The following SAFB variants were observed in gnomAD, a reference collection of about 807,000 sequenced individuals.
The protein encoded by SAFB is scaffold attachment factor B1.
SAFB carries 15 observed loss-of-function variants against 101.6 expected under a neutral mutation model. That is an observed-to-expected ratio of 0.15 (90% CI 0.10 to 0.23). The LOEUF is 0.23. Among genes scored for constraint, SAFB ranks in the 10% least tolerant of loss-of-function variants. The probability of loss-of-function intolerance (pLI) is 1.00; values close to 1 mark genes in which losing one functional copy is unlikely to be tolerated. For missense variants in SAFB, 930 were observed against 1,104.1 expected, an observed-to-expected ratio of 0.84 and a Z score of 2.23; for synonymous variants, 449 against 407.5, an observed-to-expected ratio of 1.10 and a Z score of -1.23.
At chr19:5,665,234 T>G (rs963054696) in intron 17 of SAFB, 1 of 152,198 alleles carries the variant, frequency 6.6e-6, no homozygotes, top group Non-Finnish European at 1.5e-5. Context: ...GTGGGGTTCC[T>G]TTTTCCCTGC....
chr19:5,645,308 G>A (rs1000721035), intron 4 of SAFB, 29 bp from the exon 5 acceptor site: 1 of 903,366 alleles, frequency 1.1e-6, no homozygotes, highest in East Asian at 2.4e-5. Flanking sequence ...TTGGTGTGAT[G>A]AACTGTATTT....
intron 2 of SAFB, among the ~76,000 whole-genome samples, chr19:5,633,223 T>TTA (rs2053526497): frequency 1.3e-5 from 2 of 152,232 alleles, no homozygotes; most frequent in Non-Finnish European, 2.9e-5. Context: ...TTGCCCTCAT[T>TTA]TATCTGTGTG....
chr19:5,668,277 A>G lies in SAFB; in HGVS notation c.2740A>G (p.Thr914Ala). ...GAGCAGGCCCAGCGATGCCCGCTTC[A>G]CTCGCCGCTACTGAGTACTTGGAAT... ...RGSRPSDARF[T>A]RRY is the part of the protein sequence containing the mutation. The change falls in exon 21 of 21, where the codon ACT becomes GCT. Residue 914 changes from threonine (T) to alanine (A), a missense_variant. Physicochemically the swap from Thr to Ala is moderately conservative, Grantham distance 58. Transcript: ENST00000588852. 6.2e-7 allele frequency: 1 copy of G among 1,611,242 alleles called. No individual in the cohort carries two copies. The highest frequency in any genetic ancestry group is 1.8e-4 in the Middle Eastern group (1 of 5,514).
chr19:5,633,726 C>G (rs2053538361), intron 2 of SAFB, among the ~76,000 whole-genome samples: 1 of 151,788 alleles, frequency 6.6e-6, no homozygotes, highest in Non-Finnish European at 1.5e-5. Flanking sequence ...TTGCAGTGAG[C>G]CGAGATTGCG....
intron 2 of SAFB, among the ~76,000 whole-genome samples, chr19:5,628,835 G>T (rs1331743749): frequency 1.3e-5 from 2 of 152,182 alleles, no homozygotes; most frequent in African/African-American, 4.8e-5. Context: ...AATGGAGAAA[G>T]AAATAATAAA....
chr19:5,633,517 C>T (rs1330607809), intron 2 of SAFB, among the ~76,000 whole-genome samples: 3 of 152,146 alleles, frequency 2.0e-5, no homozygotes, highest in Non-Finnish European at 4.4e-5. Flanking sequence ...CGGTGGCTCA[C>T]GCCTGTAATC....
chr19:5,653,473 T>C (rs373519811), intron 11 of SAFB, 53 bp downstream of exon 11: 6 of 1,547,706 alleles, frequency 3.9e-6, no homozygotes, highest in South Asian at 1.1e-5. Flanking sequence ...TTGTTGTTGT[T>C]GTTTTGTTTT....
rs533552057 is a variant in SAFB at position 5,651,737 on chromosome 19, C to T, written c.1293+665C>T. Among the ~76,000 whole-genome samples, 42 of 152,332 alleles carry T rather than the reference C, an allele frequency of 2.8e-4. No individual in the cohort carries two copies. In the South Asian group the frequency reaches 5.6e-3, roughly 20 times the overall value. On this transcript the variant is annotated intron_variant, in intron 9 of 20. Coordinates refer to ENST00000588852, the MANE Select transcript of SAFB (RefSeq NM_001201338.2). ...TCCCTGGTGTTTCCCAGACTTGCCT[C>T]CCAAACAGCCTCCTGCATTCAGGGC...
chr19:5,656,726 G>C (rs1469127449), intron 13 of SAFB, among the ~76,000 whole-genome samples: 1 of 151,650 alleles, frequency 6.6e-6, no homozygotes, highest in African/African-American at 2.4e-5. Flanking sequence ...ACAAGCATGC[G>C]CCACCATGCC....
At chr19:5,629,648 G>A (rs1172958859) in intron 2 of SAFB, among the ~76,000 whole-genome samples, 2 of 152,052 alleles carry the variant, frequency 1.3e-5, no homozygotes, top group South Asian at 2.1e-4. Flanking sequence ...GTGTTTGCAC[G>A]AACCAGAGAT....
intron 2 of SAFB, among the ~76,000 whole-genome samples, chr19:5,635,994 A>G (rs1359195248): frequency 6.6e-6 from 1 of 152,106 alleles, no homozygotes; most frequent in Admixed American, 6.5e-5. Flanking sequence ...GTGATGATTA[A>G]TAAACATTCC....
intron 14 of SAFB, 86 bp from the exon 15 acceptor site, chr19:5,661,432 G>A (rs1017061729): frequency 1.9e-6 from 3 of 1,566,646 alleles, no homozygotes; most frequent in South Asian, 1.2e-5. Flanking sequence ...CCTGGAGTCT[G>A]TGCGACCCAG....
Position 5,633,696 on chromosome 19 carries a change from G to A in SAFB, c.274+7207G>A, listed in dbSNP as rs1423940207. Reference sequence around the variant, plus strand: ...CGGGAGGCTGAGGCAGGAGAATGGCGTGAACCCGGGAGGTGGAGCTTGCAG... The same window carrying A: ...CGGGAGGCTGAGGCAGGAGAATGGCATGAACCCGGGAGGTGGAGCTTGCAG... On this transcript the variant is annotated intron_variant, in intron 2 of 20. Transcript: ENST00000588852. Among the ~76,000 whole-genome samples the A allele has an allele frequency of 8.6e-4, 130 of 151,946 alleles. 1 individual carries two copies. The highest frequency in any genetic ancestry group is 3.9e-4 in the East Asian group (2 of 5,150).
At chr19:5,642,614 T>A (rs2053742302) in intron 4 of SAFB, among the ~76,000 whole-genome samples, 1 of 149,678 alleles carries the variant, frequency 6.7e-6, no homozygotes, top group African/African-American at 2.4e-5. Context: ...ATTTCCTGAA[T>A]ACTACCTACC....
At chr19:5,640,766 T>C (rs769877771) in intron 2 of SAFB, among the ~76,000 whole-genome samples, 8 of 151,846 alleles carry the variant, frequency 5.3e-5, no homozygotes, top group Non-Finnish European at 7.4e-5. Context: ...GTTTTTTGTA[T>C]TTTTAGTTGA....
At chr19:5,656,575 ATTTTTTTTTTT>A (rs918418902) in intron 13 of SAFB, among the ~76,000 whole-genome samples, 1 of 128,366 alleles carries the variant, frequency 7.8e-6, no homozygotes, top group Admixed American at 8.0e-5. Context: ...TGCGCCAGCA[ATTTTTTTTTTT>A]TTTTTTTTTT....
chr19:5,651,115 C>T (rs375765068), intron 9 of SAFB, 43 bp downstream of exon 9: 81 of 1,284,492 alleles, frequency 6.3e-5, no homozygotes, highest in Admixed American at 2.1e-4. Flanking sequence ...TTGAAACCAG[C>T]GTTGTGTGGC....
chr19:5,629,067 G>A (rs1022417732), intron 2 of SAFB, among the ~76,000 whole-genome samples: 3 of 152,136 alleles, frequency 2.0e-5, no homozygotes, highest in East Asian at 3.8e-4. Flanking sequence ...AAAACGTTTA[G>A]ATTTCAGTTG....
chr19:5,652,518 T>C (rs562809836), intron 9 of SAFB, among the ~76,000 whole-genome samples: 1 of 152,324 alleles, frequency 6.6e-6, no homozygotes, highest in South Asian at 2.1e-4. Flanking sequence ...CACTGGCTGC[T>C]GCAGGGCTTT....
Sources: allele counts gnomAD v4.1 joint callset (sites outside exome capture counted in the v4.1 genomes callset), GRCh38; gene constraint gnomAD v4.1.1; transcripts MANE v1.5; gene names NCBI Gene and HGNC (gene_info 2026-07-23, HGNC 2026-07-21).